Variants in AKAP6 observed in about 807,000 individuals in gnomAD.
AKAP6 encodes A-kinase anchoring protein 6.
Under a neutral mutation model 188.5 loss-of-function variants are expected in AKAP6, and 58 were observed. That is an observed-to-expected ratio of 0.31 (90% CI 0.25 to 0.38). AKAP6 has a LOEUF of 0.38. AKAP6 is among the 10% of genes least tolerant of loss of function. The pLI is 1.00. For synonymous variants in AKAP6, 989 were observed against 998.6 expected (o/e 0.99, Z 0.18); for missense variants, 2,710 against 2,740.0 (o/e 0.99, Z 0.24).
chr14:32,448,426 T>C (rs191255727), intron 2 of AKAP6, among the ~76,000 whole-genome samples: 1 of 152,344 alleles, frequency 6.6e-6, no homozygotes, highest in Admixed American at 6.5e-5. Flanking sequence ...GAGCTACCTA[T>C]CCTTTATGCT....
At chr14:32,338,202 A>G (rs937173464) in intron 1 of AKAP6, among the ~76,000 whole-genome samples, 10 of 152,316 alleles carry the variant, frequency 6.6e-5, no homozygotes, top group South Asian at 6.2e-4. Flanking sequence ...TAAGAAAATA[A>G]CATAAATTAT....
chr14:32,462,394 C>T (rs368292185), intron 2 of AKAP6, among the ~76,000 whole-genome samples: 28 of 152,196 alleles, frequency 1.8e-4, no homozygotes, highest in African/African-American at 5.5e-4. Flanking sequence ...TGCAGAAACC[C>T]TGTGAGCCAG....
At chr14:32,410,523 T>C (rs1229290936) in intron 1 of AKAP6, among the ~76,000 whole-genome samples, 2 of 152,216 alleles carry the variant, frequency 1.3e-5, no homozygotes, top group African/African-American at 4.8e-5. Flanking sequence ...CTCAGGCACA[T>C]GTTCTCAGGT....
At chr14:32,536,402 A>G (rs1270860419) in intron 3 of AKAP6, among the ~76,000 whole-genome samples, 3 of 152,184 alleles carry the variant, frequency 2.0e-5, no homozygotes, top group Non-Finnish European at 4.4e-5. Context: ...AAGAAAGAGA[A>G]TGGCAGGCCC....
At chr14:32,471,504 T>C in intron 2 of AKAP6, among the ~76,000 whole-genome samples, 1 of 152,250 alleles carries the variant, frequency 6.6e-6, no homozygotes, top group Non-Finnish European at 1.5e-5. Flanking sequence ...TAAGTCTTTC[T>C]TGTCAGTGGG....
chr14:32,344,317 A>G (rs1442193222), intron 1 of AKAP6, among the ~76,000 whole-genome samples: 1 of 152,220 alleles, frequency 6.6e-6, no homozygotes, highest in East Asian at 1.9e-4. Context: ...CACCAATCCA[A>G]CATGCATTGA....
At chr14:32,455,311 A>C (rs2138798817) in intron 2 of AKAP6, among the ~76,000 whole-genome samples, 1 of 152,236 alleles carries the variant, frequency 6.6e-6, no homozygotes, top group South Asian at 2.1e-4. Flanking sequence ...CAGATAATAC[A>C]CATATTTAGG....
chr14:32,350,955 G>C (rs957126087), intron 1 of AKAP6, among the ~76,000 whole-genome samples: 15 of 152,082 alleles, frequency 9.9e-5, no homozygotes, highest in Non-Finnish European at 1.9e-4. Flanking sequence ...TATTTTCTAT[G>C]ATGTGTAGGT....
chr14:32,399,133 C>T (rs921621370), intron 1 of AKAP6, among the ~76,000 whole-genome samples: 1 of 152,078 alleles, frequency 6.6e-6, no homozygotes, highest in African/African-American at 2.4e-5. Context: ...GGATTACAGG[C>T]GTGAGCCACT....
chr14:32,495,505 A>G (rs1181158968), intron 2 of AKAP6: 1 of 152,172 alleles, frequency 6.6e-6, no homozygotes, highest in Non-Finnish European at 1.5e-5. Context: ...TCTCTCCTGC[A>G]CATAGCACGT....
At chr14:32,758,471 C>T (rs771159697) in intron 11 of AKAP6, among the ~76,000 whole-genome samples, 11 of 152,204 alleles carry the variant, frequency 7.2e-5, no homozygotes, top group African/African-American at 2.4e-4. Flanking sequence ...CAATGGCTCA[C>T]GCCTGTAATC....
intron 1 of AKAP6, among the ~76,000 whole-genome samples, chr14:32,365,893 G>C (rs1000217959): frequency 6.6e-6 from 1 of 152,036 alleles, no homozygotes; most frequent in Non-Finnish European, 1.5e-5. Context: ...CTGCCTTAGG[G>C]GACAGGTGTC....
At chr14:32,581,829 T>G (rs779650207) in intron 5 of AKAP6, among the ~76,000 whole-genome samples, 16 of 152,160 alleles carry the variant, frequency 1.1e-4, no homozygotes, top group African/African-American at 3.1e-4. Flanking sequence ...CTGCCTTTTT[T>G]TGTTTTCCAT....
In AKAP6 at chr14:32,400,526, C is replaced by T. The variant is rs75620604; in HGVS notation, c.-34-32934C>T. On this transcript the variant is annotated intron_variant, in intron 1 of 13. Coordinates refer to ENST00000280979, the MANE Select transcript of AKAP6 (RefSeq NM_004274.5). Reference sequence around the variant, plus strand: ...TTATGCAGCATTTCCAGGTGCTTGGCGGCAGGAGTATTTCAAGATATTTAG... The same window carrying T: ...TTATGCAGCATTTCCAGGTGCTTGGTGGCAGGAGTATTTCAAGATATTTAG... Among the ~76,000 whole-genome samples, 23 of 111,608 alleles carry T rather than the reference C, an allele frequency of 2.1e-4. No homozygotes were observed. The East Asian group carries it at 4.6e-3, about 22-fold the overall frequency. 73.2% of individuals were successfully genotyped at this position (111,608 alleles called of 152,430 possible). A position where few individuals can be genotyped will look rare whatever the true frequency, so the allele number is the denominator to read the frequency against.
chr14:32,417,375 TA>T (rs890836710), intron 1 of AKAP6, among the ~76,000 whole-genome samples: 2 of 152,270 alleles, frequency 1.3e-5, no homozygotes, highest in Admixed American at 6.5e-5. Context: ...GCAGATACTT[TA>T]AAAAAATATA....
intron 5 of AKAP6, among the ~76,000 whole-genome samples, chr14:32,584,330 G>T (rs11626416): frequency 6.6e-6 from 1 of 152,110 alleles, no homozygotes; most frequent in African/African-American, 2.4e-5. Flanking sequence ...GATGATTCAC[G>T]CCCCAGGTGG....
intron 2 of AKAP6, among the ~76,000 whole-genome samples, chr14:32,496,151 T>C (rs1195640543): frequency 6.6e-6 from 1 of 152,196 alleles, no homozygotes; most frequent in Non-Finnish European, 1.5e-5. Context: ...ATGACAGACA[T>C]ATTCCTAAAA....
rs1880384946 is a variant in AKAP6, at chr14:32,497,547, TGAAAA to T, written c.325-38003_325-37999del. Among the ~76,000 whole-genome samples the T allele has an allele frequency of 5.3e-5, 8 of 152,246 alleles. No individual in the cohort carries two copies. The South Asian group carries it at 1.7e-3, about 32-fold the overall frequency. On this transcript the variant is annotated intron_variant, in intron 2 of 13. Coordinates refer to ENST00000280979, the MANE Select transcript of AKAP6 (RefSeq NM_004274.5). Reference sequence around the variant, plus strand: ...TCTTGGGAAATGTTCCATAGACACTTGAAAAGAATGTATTCTACTGTTTTAGTAGA... The same window carrying T: ...TCTTGGGAAATGTTCCATAGACACTTGAATGTATTCTACTGTTTTAGTAGA...
chr14:32,401,824 A>C (rs1291508558), intron 1 of AKAP6, among the ~76,000 whole-genome samples: 1 of 152,220 alleles, frequency 6.6e-6, no homozygotes, highest in Non-Finnish European at 1.5e-5. Flanking sequence ...GGTGGAAAGA[A>C]TTGTAGCAGG....
Sources: allele counts gnomAD v4.1 joint callset (sites outside exome capture counted in the v4.1 genomes callset), GRCh38; gene constraint gnomAD v4.1.1; transcripts MANE v1.5; gene names NCBI Gene and HGNC (gene_info 2026-07-23, HGNC 2026-07-21).